Variants in KAZN observed in about 807,000 individuals in gnomAD.
KAZN encodes the protein kazrin, periplakin interacting protein, also known as kazrin.
In KAZN, 40 loss-of-function variants were observed where a neutral mutation model predicts 87.4. The observed-to-expected ratio is 0.46, with a 90% CI of 0.36 to 0.60. The LOEUF is 0.60. Ranked by LOEUF, KAZN falls within the 20% of genes least tolerant of loss-of-function variation. KAZN has a pLI of 0.00. For synonymous variants in KAZN, 466 were observed against 458.3 expected, an observed-to-expected ratio of 1.02 and a Z score of -0.22; for missense variants, 898 against 1,073.9, an observed-to-expected ratio of 0.84 and a Z score of 2.29.
rs962931585 is a variant in KAZN, at chr1:14,180,409, A to G, written c.92-26A>G. 7.1e-6 allele frequency: 11 copies of G among 1,544,182 alleles called. No homozygotes were observed. The Admixed American group carries it at 1.0e-4, about 14-fold the overall frequency. ...TTTGAAAGTTACCAGTTGTGACTCT[A>G]CTTTTCCTTCTTTTTCTTTCCACAG... On this transcript the variant is annotated intron_variant, in intron 1 of 16. Coordinates refer to the KAZN transcript ENST00000636203.
intron 1 of KAZN, among the ~76,000 whole-genome samples, chr1:14,659,029 A>G (rs1638984964): frequency 6.6e-6 from 1 of 152,118 alleles, no homozygotes; most frequent in African/African-American, 2.4e-5. Flanking sequence ...ACATGAGGCC[A>G]CAGTTCGAGA....
intron 2 of KAZN, among the ~76,000 whole-genome samples, chr1:14,470,790 C>T (rs1417118649): frequency 6.6e-6 from 1 of 152,184 alleles, no homozygotes; most frequent in Non-Finnish European, 1.5e-5. Context: ...CAGGATGGCT[C>T]CCCAAGACCC....
chr1:14,532,724 G>A (rs890213407), intron 2 of KAZN, among the ~76,000 whole-genome samples: 5 of 147,982 alleles, frequency 3.4e-5, no homozygotes, highest in African/African-American at 1.3e-4. Context: ...GCAGTGTTTG[G>A]TTTTTTTGTC....
chr1:14,207,633 C>T (rs945590507), intron 2 of KAZN, among the ~76,000 whole-genome samples: 3 of 151,988 alleles, frequency 2.0e-5, no homozygotes, highest in Admixed American at 6.6e-5. Context: ...TCTTGATTAC[C>T]GAGTTTTTTG....
intron 2 of KAZN, among the ~76,000 whole-genome samples, chr1:15,002,102 G>A (rs958014712): frequency 8.6e-5 from 13 of 151,914 alleles, no homozygotes; most frequent in Non-Finnish European, 1.9e-4. Flanking sequence ...GGATGGTCTC[G>A]ATCTCCTGAC....
chr1:14,506,689 A>G (rs1670601007), intron 2 of KAZN, among the ~76,000 whole-genome samples: 1 of 152,196 alleles, frequency 6.6e-6, no homozygotes, highest in South Asian at 2.1e-4. Context: ...GTGCCCGATA[A>G]ATTTTAGCTC....
chr1:14,985,255 CCAAGGTGGGAGGCCAA>C lies in KAZN; in HGVS notation c.418+24381_418+24396del, dbSNP rs1557686901. The stretch of plus-strand genomic sequence containing the variant: ...ATAATCCCAGAACTTTGGTGGGAGG[CCAAGGTGGGAGGCCAA>C]GGTGGGAGGCCAAGGTGGGAGGCCA... On this transcript the variant is annotated intron_variant, in intron 2 of 14. Transcript: ENST00000376030. Among the ~76,000 whole-genome samples the C allele has an allele frequency of 7.5e-3, 1,012 of 134,144 alleles. 4 individuals carry two copies. Among genetic ancestry groups the C allele is most frequent in the African/African-American group, 0.026 (955 of 36,174 alleles). The allele number at this position is 134,144 out of a possible 152,430, so 88.0% of individuals were successfully genotyped here. A position where few individuals can be genotyped will look rare whatever the true frequency, so the allele number is the denominator to read the frequency against.
chr1:14,739,975 G>A (rs897287557), intron 1 of KAZN, among the ~76,000 whole-genome samples: 3 of 152,212 alleles, frequency 2.0e-5, no homozygotes, highest in Admixed American at 1.3e-4. Flanking sequence ...CTGGTTTATT[G>A]GGGCATTTGC....
intron 2 of KAZN, among the ~76,000 whole-genome samples, chr1:14,397,950 T>G (rs1252147648): frequency 6.6e-6 from 1 of 151,676 alleles, no homozygotes; most frequent in Non-Finnish European, 1.5e-5. Context: ...CCTCCTGCAT[T>G]GCAGAATAAG....
intron 1 of KAZN, among the ~76,000 whole-genome samples, chr1:14,842,232 G>A (rs920260174): frequency 6.6e-6 from 1 of 152,198 alleles, no homozygotes; most frequent in African/African-American, 2.4e-5. Flanking sequence ...AACCATGCCT[G>A]GCACATAATA....
chr1:14,979,312 G>A (rs1178495809), intron 2 of KAZN, among the ~76,000 whole-genome samples: 1 of 151,922 alleles, frequency 6.6e-6, no homozygotes, highest in Non-Finnish European at 1.5e-5. Flanking sequence ...AGGAGGCTGA[G>A]GCAGAAGAAT....
At chr1:14,877,730 T>C (rs1202109176) in intron 1 of KAZN, among the ~76,000 whole-genome samples, 1 of 152,180 alleles carries the variant, frequency 6.6e-6, no homozygotes, top group African/African-American at 2.4e-5. Flanking sequence ...CGTGAGCCTG[T>C]TGGGGGCAAA....
At chr1:14,297,959 A>G (rs1320199028) in intron 2 of KAZN, among the ~76,000 whole-genome samples, 13 of 152,154 alleles carry the variant, frequency 8.5e-5, no homozygotes, top group African/African-American at 2.7e-4. Flanking sequence ...TGGGCGCGGT[A>G]TCACGCCTCT....
At chr1:14,056,820 C>T (rs935950159) in intron 1 of KAZN, among the ~76,000 whole-genome samples, 4 of 152,090 alleles carry the variant, frequency 2.6e-5, no homozygotes, top group African/African-American at 7.2e-5. Context: ...TATGGCCTCG[C>T]TCCTGTACAC....
chr1:14,611,719 A>G (rs1028241395), intron 1 of KAZN, among the ~76,000 whole-genome samples: 3 of 151,924 alleles, frequency 2.0e-5, no homozygotes, highest in African/African-American at 7.2e-5. Flanking sequence ...AGATTTCCCC[A>G]AACTACTGGA....
intron 1 of KAZN, among the ~76,000 whole-genome samples, chr1:14,911,712 C>T (rs1657270522): frequency 6.6e-6 from 1 of 152,172 alleles, no homozygotes; most frequent in African/African-American, 2.4e-5. Flanking sequence ...AAGCCTGTAC[C>T]TGACTGGTCT....
intron 1 of KAZN, among the ~76,000 whole-genome samples, chr1:14,731,266 G>T (rs536497997): frequency 3.9e-5 from 6 of 152,088 alleles, no homozygotes; most frequent in African/African-American, 1.4e-4. Context: ...AGCCTTAATC[G>T]TGCAGCACCC....
At chr1:15,082,909 C>T (rs1426547014) in intron 8 of KAZN, among the ~76,000 whole-genome samples, 3 of 152,144 alleles carry the variant, frequency 2.0e-5, no homozygotes, top group African/African-American at 2.4e-5. Context: ...AGGCTGGTCT[C>T]GAACTCCTGA....
chr1:14,286,248 C>T (rs1305811759), intron 2 of KAZN, among the ~76,000 whole-genome samples: 1 of 152,208 alleles, frequency 6.6e-6, no homozygotes, highest in Non-Finnish European at 1.5e-5. Flanking sequence ...TGTCTACACA[C>T]TTCTTCTGTG....
Sources: allele counts gnomAD v4.1 joint callset (sites outside exome capture counted in the v4.1 genomes callset), GRCh38; gene constraint gnomAD v4.1.1; transcripts MANE v1.5; gene names NCBI Gene and HGNC (gene_info 2026-07-23, HGNC 2026-07-21).